Variants in TMTC2 observed in about 807,000 individuals in gnomAD.
TMTC2 encodes transmembrane O-mannosyltransferase targeting cadherins 2, also known as protein O-mannosyl-transferase TMTC2.
A neutral mutation model predicts 82.4 loss-of-function variants in TMTC2; 43 were observed. The ratio of observed to expected loss-of-function variants is 0.52; its 90% CI spans 0.41 to 0.67. The LOEUF is 0.67. TMTC2 is among the 30% of genes least tolerant of loss of function. The pLI is 0.00. For missense variants in TMTC2, 919 were observed against 1,012.4 expected (o/e 0.91, Z 1.25); for synonymous variants, 408 against 381.9 (o/e 1.07, Z -0.80).
chr12:82,909,848 A>G (rs1048761847), intron 3 of TMTC2, among the ~76,000 whole-genome samples: 1 of 152,216 alleles, frequency 6.6e-6, no homozygotes, highest in African/African-American at 2.4e-5. Context: ...TAGCTATGTT[A>G]GAAGTTCTAT....
intron 9 of TMTC2, among the ~76,000 whole-genome samples, chr12:83,033,255 A>C (rs1399986630): frequency 6.6e-6 from 1 of 152,190 alleles, no homozygotes; most frequent in Non-Finnish European, 1.5e-5. Flanking sequence ...ATTTAAGAGA[A>C]TCTTAATGAT....
intron 11 of TMTC2, among the ~76,000 whole-genome samples, chr12:83,096,320 G>T (rs1156563765): frequency 6.6e-6 from 1 of 152,178 alleles, no homozygotes; most frequent in Non-Finnish European, 1.5e-5. Flanking sequence ...TGCATGATCT[G>T]GTCTTAGCTG....
intron 11 of TMTC2, among the ~76,000 whole-genome samples, chr12:83,071,736 G>T (rs1296188977): frequency 6.6e-6 from 1 of 152,074 alleles, no homozygotes; most frequent in Non-Finnish European, 1.5e-5. Context: ...AGCTAGGAGG[G>T]TTGTATCTTT....
intron 1 of TMTC2, among the ~76,000 whole-genome samples, chr12:82,757,126 AG>A (rs980441813): frequency 5.3e-5 from 8 of 152,180 alleles, no homozygotes; most frequent in Non-Finnish European, 1.0e-4. Context: ...GAAGCTGAAA[AG>A]TAAGTGGATC....
At chr12:82,942,005 T>C (rs1396041390) in intron 4 of TMTC2, among the ~76,000 whole-genome samples, 2 of 152,130 alleles carry the variant, frequency 1.3e-5, no homozygotes, top group Non-Finnish European at 2.9e-5. Context: ...CTCAATCTAG[T>C]GCTGGGATTA....
At chr12:83,067,074 T>C (rs1453919626) in intron 11 of TMTC2, among the ~76,000 whole-genome samples, 2 of 151,932 alleles carry the variant, frequency 1.3e-5, no homozygotes, top group Non-Finnish European at 2.9e-5. Flanking sequence ...TGGGAATTTC[T>C]ACATTTTAAA....
chr12:83,102,134 GGAAT>G (rs1450744609), intron 11 of TMTC2, among the ~76,000 whole-genome samples: 2 of 152,162 alleles, frequency 1.3e-5, no homozygotes, highest in African/African-American at 4.8e-5. Context: ...AATATGCCTG[GGAAT>G]GCATTTGCCC....
chr12:83,113,516 G>A (rs566272199), intron 11 of TMTC2, among the ~76,000 whole-genome samples: 37 of 152,286 alleles, frequency 2.4e-4, no homozygotes, highest in African/African-American at 8.7e-4. Flanking sequence ...AGCAGCAGAA[G>A]TTCTACCATT....
chr12:83,109,681 C>T (rs1486230548), intron 11 of TMTC2, among the ~76,000 whole-genome samples: 1 of 152,102 alleles, frequency 6.6e-6, no homozygotes, highest in Non-Finnish European at 1.5e-5. Flanking sequence ...TGACTCACAC[C>T]CCTTTTTAGA....
chr12:82,825,853 A>G (rs958713225), intron 1 of TMTC2, among the ~76,000 whole-genome samples: 3 of 144,288 alleles, frequency 2.1e-5, no homozygotes, highest in Non-Finnish European at 4.4e-5. Context: ...TGATAGGGAA[A>G]GCACACACAC....
At chr12:82,977,327 T>C (rs1565836339) in intron 7 of TMTC2, among the ~76,000 whole-genome samples, 1 of 151,910 alleles carries the variant, frequency 6.6e-6, no homozygotes, top group African/African-American at 2.4e-5. Context: ...TTAAGACTTG[T>C]TTGTTCTACT....
At chr12:82,874,596 A>G (rs904275817) in intron 2 of TMTC2, among the ~76,000 whole-genome samples, 1 of 152,154 alleles carries the variant, frequency 6.6e-6, no homozygotes, top group African/African-American at 2.4e-5. Flanking sequence ...TTTGTGTTTC[A>G]GCTTTCAGAA....
intron 2 of TMTC2, among the ~76,000 whole-genome samples, chr12:82,861,605 A>G (rs1871555522): frequency 6.6e-6 from 1 of 152,240 alleles, no homozygotes; most frequent in Non-Finnish European, 1.5e-5. Context: ...TTTAATGAAC[A>G]GTGTTTATAT....
intron 8 of TMTC2, among the ~76,000 whole-genome samples, chr12:83,000,487 C>T (rs920788699): frequency 3.9e-5 from 6 of 152,230 alleles, no homozygotes; most frequent in Non-Finnish European, 7.3e-5. Context: ...CTATGTCTCA[C>T]ATCCAGGTCA....
intron 2 of TMTC2, among the ~76,000 whole-genome samples, chr12:82,878,080 T>C (rs946499698): frequency 1.3e-5 from 2 of 152,248 alleles, no homozygotes; most frequent in African/African-American, 4.8e-5. Flanking sequence ...TCTTGGTTCA[T>C]TGTTCTTTTG....
intron 2 of TMTC2, among the ~76,000 whole-genome samples, chr12:82,860,870 T>C (rs1022478084): frequency 1.3e-5 from 2 of 152,176 alleles, no homozygotes; most frequent in African/African-American, 4.8e-5. Flanking sequence ...GTGAAGCTTG[T>C]AAACACTGAC....
At chr12:83,024,094 G>T (rs969567862) in intron 8 of TMTC2, among the ~76,000 whole-genome samples, 3 of 152,110 alleles carry the variant, frequency 2.0e-5, no homozygotes, top group Non-Finnish European at 4.4e-5. Context: ...TAGAAGAGAG[G>T]ATTTGAAATG....
At position 82,766,066 on chromosome 12, in the gene TMTC2, G is replaced by T. The variant is rs180744078; in HGVS notation, c.83+78397G>T. 9.5e-4 allele frequency among the ~76,000 whole-genome samples: 145 copies of T among 152,270 alleles called. 1 individual carries two copies. Among genetic ancestry groups the T allele is most frequent in the Admixed American group, 7.7e-3 (118 of 15,294 alleles). On this transcript the variant is annotated intron_variant, in intron 1 of 11. Coordinates refer to ENST00000321196, the MANE Select transcript of TMTC2 (RefSeq NM_152588.3). ...GGGCTCTGCTGGTCTAGGATCCCATGACAGTTTCACAGTTAAAAGACTGCT... is the reference window on the plus strand; with the variant it reads ...GGGCTCTGCTGGTCTAGGATCCCATTACAGTTTCACAGTTAAAAGACTGCT...
Position 83,027,629 on chromosome 12 carries a change from T to A in TMTC2, c.2071-3169T>A, listed in dbSNP as rs142203394. On this transcript the variant is annotated intron_variant, in intron 8 of 11. Coordinates refer to ENST00000321196, the MANE Select transcript of TMTC2 (RefSeq NM_152588.3). ...TACTCTCCTGAGAACTGTCTTTTCC[T>A]CTTTATCATTTGGCACTTGGCTAAA... Among the ~76,000 whole-genome samples the A allele has an allele frequency of 5.9e-5, 9 of 152,332 alleles. No homozygotes were observed. In the East Asian group the frequency reaches 9.6e-4, roughly 16 times the overall value.
Sources: gnomAD v4.1 joint callset for allele counts (sites outside exome capture counted in the v4.1 genomes callset) on GRCh38, gnomAD v4.1.1 for gene constraint, MANE v1.5 for transcripts, NCBI Gene and HGNC (gene_info 2026-07-23, HGNC 2026-07-21) for gene names.